Variants in RIPOR2 observed in about 807,000 individuals in gnomAD.
RIPOR2 encodes RHO family interacting cell polarization regulator 2.
In RIPOR2, 39 loss-of-function variants were observed where a neutral mutation model predicts 114.5. The observed-to-expected ratio is 0.34, with a 90% CI of 0.26 to 0.44. The LOEUF (loss-of-function observed/expected upper bound fraction) is 0.44, where lower values mean the gene tolerates loss of function less well. Ranked by LOEUF, RIPOR2 falls within the 20% of genes least tolerant of loss-of-function variation. RIPOR2 has a pLI of 1.00. For missense variants in RIPOR2, 1,007 were observed against 1,255.1 expected (o/e 0.80, Z 2.99); for synonymous variants, 445 against 484.4 (o/e 0.92, Z 1.07).
intron 1 of RIPOR2, chr6:24,911,075 G>C: frequency 4.2e-6 from 3 of 721,550 alleles, no homozygotes; most frequent in Non-Finnish European, 5.1e-6. Context: ...CGGGCGCGAG[G>C]GTGGCGGAGC....
chr6:24,987,005 G>A (rs994451453), intron 1 of RIPOR2, among the ~76,000 whole-genome samples: 1 of 152,190 alleles, frequency 6.6e-6, no homozygotes, highest in Non-Finnish European at 1.5e-5. Flanking sequence ...ACCATCCTGG[G>A]CCGTATTGGC....
chr6:24,850,580 C>A lies in RIPOR2; in HGVS notation c.885+17G>T, dbSNP rs1427762069. ...CCGTGGCACCAGGAAAGACAACAGGCAATGACAATACTGTACCTTGATGGA... is the reference window on the plus strand; with the variant it reads ...CCGTGGCACCAGGAAAGACAACAGGAAATGACAATACTGTACCTTGATGGA... On this transcript the variant is annotated intron_variant, in intron 10 of 21. Transcript: ENST00000643898. 1 of 1,613,572 alleles carries A rather than the reference C, an allele frequency of 6.2e-7. No homozygotes were observed. The highest frequency in any genetic ancestry group is 8.5e-7 in the Non-Finnish European group (1 of 1,179,850).
intron 19 of RIPOR2, among the ~76,000 whole-genome samples, chr6:24,819,643 C>T (rs1010327992): frequency 2.8e-5 from 3 of 106,518 alleles, no homozygotes; most frequent in African/African-American, 9.0e-5. Flanking sequence ...TTACAGGTGC[C>T]CACCACCACG....
At chr6:24,833,771 T>C (rs1760874534) in intron 15 of RIPOR2, among the ~76,000 whole-genome samples, 1 of 152,186 alleles carries the variant, frequency 6.6e-6, no homozygotes, top group Admixed American at 6.5e-5. Flanking sequence ...TATCCACCTC[T>C]TCTGTTTTTG....
intron 10 of RIPOR2, among the ~76,000 whole-genome samples, chr6:24,850,286 C>T (rs376704021): frequency 6.6e-6 from 1 of 151,098 alleles, no homozygotes; most frequent in African/African-American, 2.4e-5. Flanking sequence ...GTAGAGACGG[C>T]GTTTTGCCAT....
At chr6:25,015,075 T>A (rs1242684835) in intron 1 of RIPOR2, 1 of 152,196 alleles carries the variant, frequency 6.6e-6, no homozygotes, top group Non-Finnish European at 1.5e-5. Flanking sequence ...ACATTTATAC[T>A]TGGTCCTCTT....
intron 1 of RIPOR2, among the ~76,000 whole-genome samples, chr6:24,964,737 AT>A (rs1773451683): frequency 6.6e-6 from 1 of 152,214 alleles, no homozygotes; most frequent in Non-Finnish European, 1.5e-5. Context: ...TGGATATACC[AT>A]TTTATACCCC....
At chr6:25,022,997 A>ATT (rs34977901) in intron 1 of RIPOR2, among the ~76,000 whole-genome samples, 3 of 149,248 alleles carry the variant, frequency 2.0e-5, no homozygotes, top group South Asian at 2.1e-4. Context: ...AGAGCAGTCA[A>ATT]TTTTTTTTTT....
At position 24,807,147 on chromosome 6, in the gene RIPOR2, A is replaced by G. The variant is rs372718135; in HGVS notation, c.3044-674T>C. ...GGCTTTCATACATGTAATGCAAGTG[A>G]GACAAAGATGGAAATAGTTGTGCCT... On this transcript the variant is annotated intron_variant, in intron 21 of 21. Transcript: ENST00000643898. Among the ~76,000 whole-genome samples, 51 of 152,350 alleles carry G rather than the reference A, an allele frequency of 3.3e-4. 1 individual carries two copies. In the South Asian group the frequency reaches 7.7e-3, roughly 23 times the overall value.
At chr6:24,847,460 G>C in intron 12 of RIPOR2, 1 of 1,412,792 alleles carries the variant, frequency 7.1e-7, no homozygotes, top group African/African-American at 1.4e-5. Context: ...AGACAGAGAA[G>C]ATAAAACAAG....
Position 24,843,346 on chromosome 6 carries a change from T to A in RIPOR2, c.1373A>T (p.Asp458Val). The change falls in exon 13 of 22, where the codon GAT becomes GTT. Residue 458 changes from aspartate (D) to valine (V), a missense_variant. Physicochemically the swap from Asp to Val is radical, Grantham distance 152 (BLOSUM62 -3). Coordinates refer to ENST00000643898, the MANE Select transcript of RIPOR2 (RefSeq NM_001286445.3). ...SSLASQNEGM[D>V]DTSSASSRNS... ...CCTGGAAGATGCTGAGCTGGTGTCA[T>A]CCATACCCTCATTCTGGGAGGCCAA... 6.2e-7 allele frequency: 1 copy of A among 1,613,922 alleles called. No homozygotes were observed. The highest frequency in any genetic ancestry group is 1.3e-5 in the African/African-American group (1 of 75,014).
chr6:24,877,349 T>A (rs1765899117), intron 1 of RIPOR2: 1 of 985,260 alleles, frequency 1.0e-6, no homozygotes. Context: ...TTGTATGCAT[T>A]CTTGCGAGGT....
chr6:24,994,829 T>C, intron 1 of RIPOR2, among the ~76,000 whole-genome samples: 1 of 152,212 alleles, frequency 6.6e-6, no homozygotes, highest in Non-Finnish European at 1.5e-5. Context: ...TACTTGAGCT[T>C]AAATCTTTAT....
chr6:25,008,631 G>C (rs887513304), intron 1 of RIPOR2, among the ~76,000 whole-genome samples: 4 of 152,242 alleles, frequency 2.6e-5, no homozygotes, highest in African/African-American at 9.6e-5. Context: ...CTATATTTTG[G>C]GTAATTTGTT....
intron 1 of RIPOR2, among the ~76,000 whole-genome samples, chr6:24,997,135 A>G (rs1279616148): frequency 1.3e-5 from 2 of 152,170 alleles, no homozygotes; most frequent in Non-Finnish European, 2.9e-5. Flanking sequence ...AAAACTCCCA[A>G]CATGCAGGCC....
intron 1 of RIPOR2, among the ~76,000 whole-genome samples, chr6:24,932,422 G>A (rs757178506): frequency 6.6e-5 from 10 of 150,730 alleles, no homozygotes; most frequent in African/African-American, 2.5e-4. Context: ...CAGTGTGTAG[G>A]TGAATCCCTT....
chr6:25,015,031 G>A (rs1438387843), intron 1 of RIPOR2: 1 of 152,102 alleles, frequency 6.6e-6, no homozygotes, highest in African/African-American at 2.4e-5. Flanking sequence ...ATCAACAAAA[G>A]CCCAGTTCTG....
rs56343635 is a variant in RIPOR2 at position 24,953,333 on chromosome 6, C to T, written c.77-77516G>A. 2.7e-3 allele frequency among the ~76,000 whole-genome samples: 161 copies of T among 58,696 alleles called. 4 individuals are homozygous for T. Among genetic ancestry groups the T allele is most frequent in the East Asian group, 0.016 (21 of 1,334 alleles). The allele number at this position is 58,696 out of a possible 152,430, so 38.5% of individuals were successfully genotyped here. A position where few individuals can be genotyped will look rare whatever the true frequency, so the allele number is the denominator to read the frequency against. On this transcript the variant is annotated intron_variant, in intron 1 of 13. Coordinates refer to the RIPOR2 transcript ENST00000510784. Reference sequence around the variant, plus strand: ...GGGCAACAAGAGCAAAACTCTGCCCCCCCCCAAAAAAAATTAAGGTTAAAT... The same window carrying T: ...GGGCAACAAGAGCAAAACTCTGCCCTCCCCCAAAAAAAATTAAGGTTAAAT...
At chr6:24,862,772 A>G (rs1215231945) in intron 7 of RIPOR2, among the ~76,000 whole-genome samples, 2 of 147,738 alleles carry the variant, frequency 1.4e-5, no homozygotes, top group Admixed American at 6.9e-5. Flanking sequence ...GAGGACATCC[A>G]TGGTCAAAAT....
Sources: allele counts gnomAD v4.1 joint callset (sites outside exome capture counted in the v4.1 genomes callset), GRCh38; gene constraint gnomAD v4.1.1; transcripts MANE v1.5; gene names NCBI Gene and HGNC (gene_info 2026-07-23, HGNC 2026-07-21).